EXOSC7: variants seen among roughly 807,000 people sequenced by gnomAD.
The protein encoded by EXOSC7 is exosome component 7, also known as exosome complex component RRP42.
EXOSC7 carries 25 observed loss-of-function variants against 34.3 expected under a neutral mutation model. The ratio of observed to expected loss-of-function variants is 0.73; its 90% CI spans 0.53 to 1.02. The LOEUF is 1.02. Among genes scored for constraint, EXOSC7 ranks in the 50% least tolerant of loss-of-function variants. The pLI is 0.00. For missense variants in EXOSC7, 370 were observed against 368.5 expected (o/e 1.00, Z -0.03); for synonymous variants, 130 against 143.0 (o/e 0.91, Z 0.65).
At chr3:44,991,518 C>G (rs1427363343) in intron 3 of EXOSC7, among the ~76,000 whole-genome samples, 1 of 152,212 alleles carries the variant, frequency 6.6e-6, no homozygotes, top group East Asian at 1.9e-4. Flanking sequence ...CTACCTCATT[C>G]ATTTTAGGCA....
At position 44,989,659 on chromosome 3, in the gene EXOSC7, T is replaced by A; in HGVS notation, c.254+15T>A. On this transcript the variant is annotated intron_variant, in intron 3 of 7. Coordinates refer to ENST00000265564, the MANE Select transcript of EXOSC7 (RefSeq NM_015004.4). ...TTTGTTGACTGGTCAGTACTGTCTATGCAGATATTTCTAAAGATAAATGAT... is the reference window on the plus strand; with the variant it reads ...TTTGTTGACTGGTCAGTACTGTCTAAGCAGATATTTCTAAAGATAAATGAT... The A allele has an allele frequency of 6.4e-7, 1 of 1,556,688 alleles. No individual in the cohort carries two copies. The highest frequency in any genetic ancestry group is 1.7e-4 in the Middle Eastern group (1 of 5,946).
At chr3:44,989,114 A>G (rs772553347) in intron 1 of EXOSC7, 26 bp from the exon 2 acceptor site, 14 of 1,528,542 alleles carry the variant, frequency 9.2e-6, no homozygotes, top group South Asian at 3.4e-5. Context: ...TGGGGTGACT[A>G]TAGGACTGTG....
chr3:44,981,373 T>C (rs1042864484), intron 1 of EXOSC7, among the ~76,000 whole-genome samples: 3 of 152,188 alleles, frequency 2.0e-5, no homozygotes, highest in Non-Finnish European at 2.9e-5. Flanking sequence ...TGGGGACTTA[T>C]GCACCTGGAA....
chr3:45,011,472 T>C (rs988775670), downstream of EXOSC7: 5 of 640,476 alleles, frequency 7.8e-6, no homozygotes, highest in African/African-American at 9.3e-5. Context: ...TTTTCTGGTC[T>C]GGTTTGGTAT....
At chr3:44,978,436 A>C (rs888783757) in intron 1 of EXOSC7, among the ~76,000 whole-genome samples, 1 of 152,192 alleles carries the variant, frequency 6.6e-6, no homozygotes, top group Non-Finnish European at 1.5e-5. Flanking sequence ...GTATTCATTC[A>C]TTCAACACAG....
chr3:44,989,937 T>C (rs1049926090), intron 3 of EXOSC7, among the ~76,000 whole-genome samples: 1 of 152,228 alleles, frequency 6.6e-6, no homozygotes, highest in Non-Finnish European at 1.5e-5. Context: ...AATGAAATGA[T>C]TGTGTTATGG....
rs756859234 is a variant in EXOSC7 at position 45,011,421 on chromosome 3, C to G, written c.*82C>G. On this transcript the variant is annotated 3_prime_UTR_variant, in exon 8 of 8. Coordinates refer to ENST00000265564, the MANE Select transcript of EXOSC7 (RefSeq NM_015004.4). ...TCGTATATATTTTTCTTCGCTGTTA[C>G]GAATTTACAGCAGCATTTGTACATG... 3 of 854,612 alleles carry G rather than the reference C, an allele frequency of 3.5e-6. No homozygotes were observed. Among genetic ancestry groups the G allele is most frequent in the Admixed American group, 2.3e-5 (1 of 43,254 alleles). The allele number at this position is 854,612 out of a possible 1,614,324, so 52.9% of individuals were successfully genotyped here.
At chr3:44,989,035 A>T in intron 1 of EXOSC7, 105 bp from the exon 2 acceptor site, 1 of 692,926 alleles carries the variant, frequency 1.4e-6, no homozygotes, top group Admixed American at 2.7e-5. Flanking sequence ...CTAAGAGGAA[A>T]AGAGATATTC....
intron 4 of EXOSC7, among the ~76,000 whole-genome samples, chr3:44,998,482 A>G (rs1706788871): frequency 6.6e-6 from 1 of 152,224 alleles, no homozygotes. Flanking sequence ...TCCACTTCAG[A>G]TGAAGGACAA....
chr3:45,001,824 T>C, intron 5 of EXOSC7: 2 of 452,502 alleles, frequency 4.4e-6, no homozygotes. Context: ...TTTTTTGTAT[T>C]GTTATTTTTA....
chr3:44,991,795 C>A (rs1163777238), intron 3 of EXOSC7, among the ~76,000 whole-genome samples: 1 of 152,190 alleles, frequency 6.6e-6, no homozygotes, highest in African/African-American at 2.4e-5. Context: ...TTTTCCTCCT[C>A]TGTGGGTCTC....
intron 1 of EXOSC7, among the ~76,000 whole-genome samples, chr3:44,978,196 C>G (rs770272615): frequency 6.6e-6 from 1 of 152,218 alleles, no homozygotes; most frequent in Non-Finnish European, 1.5e-5. Flanking sequence ...TTGTGGCTCA[C>G]GCCTGTAATC....
intron 3 of EXOSC7, among the ~76,000 whole-genome samples, chr3:44,996,803 C>CTCGG (rs1393050676): frequency 6.6e-6 from 1 of 152,138 alleles, no homozygotes; most frequent in African/African-American, 2.4e-5. Context: ...TTCACATTAC[C>CTCGG]ATCACTCTCC....
At chr3:44,985,565 C>T (rs1022475579) in intron 1 of EXOSC7, among the ~76,000 whole-genome samples, 2 of 151,206 alleles carry the variant, frequency 1.3e-5, no homozygotes, top group Non-Finnish European at 2.9e-5. Context: ...GTTCATTCCT[C>T]CCGAGGTGGG....
intron 7 of EXOSC7, among the ~76,000 whole-genome samples, chr3:45,008,907 A>G (rs1231500332): frequency 6.6e-6 from 1 of 152,254 alleles, no homozygotes; most frequent in Non-Finnish European, 1.5e-5. Context: ...ACTATGTGCC[A>G]GATACTGTTT....
Position 44,976,247 on chromosome 3 carries a change from T to C in EXOSC7, c.-31T>C. 6.5e-7 allele frequency: 1 copy of C among 1,527,618 alleles called. No individual in the cohort carries two copies. 94.6% of individuals were successfully genotyped at this position (1,527,618 alleles called of 1,614,324 possible). A position where few individuals can be genotyped will look rare whatever the true frequency, so the allele number is the denominator to read the frequency against. ...GTCCAGAGGAGGGGACGCGCGCAGA[T>C]GACGTGCGGCTCGTGGGGCAGCTCG... On this transcript the variant is annotated 5_prime_UTR_variant, in exon 1 of 8. It removes an upstream start codon present in the reference 5' UTR. Transcript: ENST00000265564.
At chr3:44,999,996 A>G (rs528273732) in intron 4 of EXOSC7, among the ~76,000 whole-genome samples, 2 of 150,196 alleles carry the variant, frequency 1.3e-5, no homozygotes, top group South Asian at 4.2e-4. Context: ...CCATGTTTTC[A>G]TACTTACTTA....
chr3:44,989,097 G>A (rs1706497515), intron 1 of EXOSC7, 43 bp from the exon 2 acceptor site: 2 of 1,380,436 alleles, frequency 1.4e-6, no homozygotes. Flanking sequence ...AGGAGTTATT[G>A]TTGATCTGGG....
chr3:44,999,649 A>T (rs534146788), intron 4 of EXOSC7, among the ~76,000 whole-genome samples: 9 of 152,190 alleles, frequency 5.9e-5, no homozygotes, highest in Admixed American at 4.6e-4. Flanking sequence ...AGATGGTGCC[A>T]CTGCACTCCA....
Sources: allele counts gnomAD v4.1 joint callset (sites outside exome capture counted in the v4.1 genomes callset), GRCh38; gene constraint gnomAD v4.1.1; transcripts MANE v1.5; gene names NCBI Gene and HGNC (gene_info 2026-07-23, HGNC 2026-07-21).